Variants in INO80D observed in about 807,000 individuals in gnomAD.
INO80D encodes INO80 complex subunit D.
Under a neutral mutation model 87.6 loss-of-function variants are expected in INO80D, and 21 were observed. That is an observed-to-expected ratio of 0.24 (90% CI 0.17 to 0.35). The LOEUF (loss-of-function observed/expected upper bound fraction) is 0.35, where lower values mean the gene tolerates loss of function less well. Among genes scored for constraint, INO80D ranks in the 10% least tolerant of loss-of-function variants. The pLI is 1.00. For missense variants in INO80D, 982 were observed against 1,280.7 expected (o/e 0.77, Z 3.56); for synonymous variants, 440 against 491.0 (o/e 0.90, Z 1.37).
Position 206,062,191 on chromosome 2 carries a change from G to C in INO80D, c.218+608C>G, listed in dbSNP as rs1689707065. 6.6e-6 allele frequency among the ~76,000 whole-genome samples: 1 copy of C among 152,088 alleles called. No homozygotes were observed. Among genetic ancestry groups the C allele is most frequent in the African/African-American group, 2.4e-5 (1 of 41,420 alleles). ...AATTATGGCAAACATACTCTATTTG[G>C]AACACTTTTTAACCAAAAAAGGTAA... On this transcript the variant is annotated intron_variant, in intron 3 of 10. Transcript: ENST00000403263. The surrounding 1 kb of genome is among the most constrained non-coding windows in gnomAD (Gnocchi z 4.6).
rs2105789630 is a variant in INO80D at position 206,002,874 on chromosome 2, T to G, written c.*1494A>C. On this transcript the variant is annotated 3_prime_UTR_variant, in exon 11 of 11. Coordinates refer to ENST00000403263, the MANE Select transcript of INO80D (RefSeq NM_017759.5). ...AGACTCAGGTATAAATAGCCAATGG[T>G]ATCTCAAGGGACAGTGAAACTACTC... is the stretch of plus-strand genomic sequence containing the variant. 1 of 152,264 alleles carries G rather than the reference T, an allele frequency of 6.6e-6. No individual in the cohort carries two copies. The highest frequency in any genetic ancestry group is 1.9e-4 in the East Asian group (1 of 5,188). The allele number at this position is 152,264 out of a possible 1,614,324, so 9.4% of individuals were successfully genotyped here.
intron 3 of INO80D, among the ~76,000 whole-genome samples, chr2:206,060,850 G>A (rs983989461): frequency 1.3e-5 from 2 of 150,618 alleles, no homozygotes; most frequent in Non-Finnish European, 3.0e-5. Flanking sequence ...GTGAGCCACC[G>A]TGCCCGGCAA....
At position 206,019,774 on chromosome 2, in the gene INO80D, G is replaced by A; in HGVS notation, c.1370C>T (p.Ala457Val). ...CSGTVKGEQC[A>V]NKALPFTRHC... Reference sequence around the variant, plus strand: ...TCTGGTGAATGGAAGGGCTTTGTTAGCGCACTGTTCACCCTTCACGGTTCC... The same window carrying A: ...TCTGGTGAATGGAAGGGCTTTGTTAACGCACTGTTCACCCTTCACGGTTCC... Residue 457 changes from alanine to valine, a missense_variant, in exon 7 of 11, where the codon GCT becomes GTT. Transcript: ENST00000403263. 1.2e-6 allele frequency: 2 copies of A among 1,613,824 alleles called. No homozygotes were observed. The highest frequency in any genetic ancestry group is 1.7e-6 in the Non-Finnish European group (2 of 1,179,820).
At chr2:206,008,374 G>A (rs539267729) in intron 9 of INO80D, among the ~76,000 whole-genome samples, 8 of 148,502 alleles carry the variant, frequency 5.4e-5, no homozygotes, top group East Asian at 2.0e-4. Context: ...TCCACCTCCC[G>A]TGTTCCAGCG....
intron 5 of INO80D, among the ~76,000 whole-genome samples, chr2:206,037,959 A>G (rs895564862): frequency 3.9e-5 from 6 of 152,252 alleles, no homozygotes; most frequent in African/African-American, 9.6e-5. Context: ...GGGGCTTATT[A>G]TAAGTGAAAC....
At chr2:206,033,040 C>CA (rs1239752397) in intron 5 of INO80D, among the ~76,000 whole-genome samples, 1 of 152,166 alleles carries the variant, frequency 6.6e-6, no homozygotes, top group African/African-American at 2.4e-5. Context: ...GATACAGAAC[C>CA]ACAGAATGGA....
rs1279073972 is a variant in INO80D, at chr2:205,997,701, CATAAT to C, written c.*6662_*6666del. 6.6e-6 allele frequency: 1 copy of C among 152,042 alleles called. No homozygotes were observed. The highest frequency in any genetic ancestry group is 1.5e-5 in the Non-Finnish European group (1 of 67,968). 9.4% of individuals were successfully genotyped at this position (152,042 alleles called of 1,614,324 possible). On this transcript the variant is annotated 3_prime_UTR_variant, in exon 11 of 11. Transcript: ENST00000403263. ...TTCTCATGTCATTTTATGAACATAG[CATAAT>C]ATAAGTTAATCCAAAGGTTAACATA... is the stretch of plus-strand genomic sequence containing the variant.
chr2:206,017,915 A>T, intron 7 of INO80D, 102 bp from the exon 8 acceptor site: 1 of 953,072 alleles, frequency 1.0e-6, no homozygotes, highest in Non-Finnish European at 1.5e-6. Flanking sequence ...TACAAGCTTT[A>T]TTATCCATAA....
rs753917910 is a variant in INO80D, at chr2:206,046,542, T to C, written c.1035A>G (p.Ala345=). Residue 345 remains alanine, a synonymous_variant, in exon 5 of 11, where the codon GCA becomes GCG. Coordinates refer to ENST00000403263, the MANE Select transcript of INO80D (RefSeq NM_017759.5). Reference sequence around the variant, plus strand: ...ATCTGAGGGTTTCCCGGATGGACCATGCAACCTGGTAGGGCGAGGCCTGCT... The same window carrying C: ...ATCTGAGGGTTTCCCGGATGGACCACGCAACCTGGTAGGGCGAGGCCTGCT... ...DSEQASPYQV[A]WSIRETLRYQ... 4.3e-6 allele frequency: 7 copies of C among 1,613,440 alleles called. No individual in the cohort carries two copies. In the South Asian group the frequency reaches 5.5e-5, roughly 13 times the overall value.
intron 1 of INO80D, among the ~76,000 whole-genome samples, chr2:206,083,229 T>A (rs1189770848): frequency 6.6e-6 from 1 of 152,204 alleles, no homozygotes; most frequent in Non-Finnish European, 1.5e-5. Flanking sequence ...AGTACAAAAC[T>A]TTTTTGGTAT....
intron 5 of INO80D, chr2:206,040,722 C>T: frequency 3.6e-6 from 1 of 276,264 alleles, no homozygotes; most frequent in South Asian, 3.7e-5. Context: ...AAACTGTCAT[C>T]CACAAGGATG....
Position 206,002,018 on chromosome 2 carries a change from CT to C in INO80D, c.*2349del, listed in dbSNP as rs1371064460. 4 of 152,176 alleles carry C rather than the reference CT, an allele frequency of 2.6e-5. No homozygotes were observed. Among genetic ancestry groups the C allele is most frequent in the Non-Finnish European group, 4.4e-5 (3 of 68,034 alleles). The allele number at this position is 152,176 out of a possible 1,614,324, so 9.4% of individuals were successfully genotyped here. On this transcript the variant is annotated 3_prime_UTR_variant, in exon 11 of 11. Coordinates refer to ENST00000403263, the MANE Select transcript of INO80D (RefSeq NM_017759.5). ...ATCATAACTGAAGAATTTCAAGCAG[CT>C]AACATGAGGGGACAAGTAGACAGAA...
chr2:206,053,619 T>C (rs958610523), intron 4 of INO80D, among the ~76,000 whole-genome samples: 14 of 152,152 alleles, frequency 9.2e-5, no homozygotes, highest in Non-Finnish European at 1.9e-4. Context: ...CCATCCTCCC[T>C]AGGGTAGCTG....
intron 5 of INO80D, among the ~76,000 whole-genome samples, chr2:206,035,386 AAAT>A (rs35952437): frequency 0.26 from 40,166 of 151,910 alleles, 6,093 homozygotes; most frequent in Admixed American, 0.35. Flanking sequence ...ATTGGTATAA[AAAT>A]GGGCACACAG....
chr2:206,005,548 G>C lies in INO80D; in HGVS notation c.1919-15C>G, dbSNP rs1559428388. 6.3e-7 allele frequency: 1 copy of C among 1,592,420 alleles called. No individual in the cohort carries two copies. The highest frequency in any genetic ancestry group is 2.2e-5 in the East Asian group (1 of 44,708). On this transcript the variant is annotated splice_polypyrimidine_tract_variant and intron_variant, in intron 10 of 10. Transcript: ENST00000403263. Reference sequence around the variant, plus strand: ...TCCATTCTTCCCTGAGTCAACAAAAGCCATCGACAATCAGTAGAGCTTTTA... The same window carrying C: ...TCCATTCTTCCCTGAGTCAACAAAACCCATCGACAATCAGTAGAGCTTTTA...
At position 205,995,317 on chromosome 2, in the gene INO80D, G is replaced by T. The variant is rs1185306212; in HGVS notation, c.*9051C>A. ...TTTTAAAATGACAGTCTCCCTTTCA[G>T]TTAAGAAAAACACAACAATAAAAGG... On this transcript the variant is annotated 3_prime_UTR_variant, in exon 11 of 11. Transcript: ENST00000403263. 6.6e-6 allele frequency: 1 copy of T among 152,104 alleles called. No individual in the cohort carries two copies. Among genetic ancestry groups the T allele is most frequent in the Admixed American group, 6.5e-5 (1 of 15,274 alleles). 9.4% of individuals were successfully genotyped at this position (152,104 alleles called of 1,614,324 possible).
chr2:206,084,213 A>G (rs1052019284), intron 1 of INO80D, among the ~76,000 whole-genome samples: 1 of 148,118 alleles, frequency 6.8e-6, no homozygotes, highest in Non-Finnish European at 1.5e-5. Context: ...ATACACATAT[A>G]TTTTTTTTTC....
rs1413524276 is a variant in INO80D, at chr2:206,062,878, G to C, written c.139C>G (p.Pro47Ala). ...IRHVLEDKTAPFKQCEYVAKY... is the reference protein window; with the variant it reads ...IRHVLEDKTAAFKQCEYVAKY... The stretch of plus-strand genomic sequence containing the variant: ...GCCACATATTCACATTGCTTGAAGG[G>C]GGCAGTCTTGTCCTCCAGAACGTGT... The change falls in exon 3 of 11, where the codon CCC becomes GCC. Residue 47 changes from proline to alanine, a missense_variant. Physicochemically the swap from Pro to Ala is conservative, Grantham distance 27. Transcript: ENST00000403263. The surrounding 1 kb of genome is among the most constrained non-coding windows in gnomAD (Gnocchi z 4.6). 6.2e-7 allele frequency: 1 copy of C among 1,613,166 alleles called. No homozygotes were observed. The highest frequency in any genetic ancestry group is 8.5e-7 in the Non-Finnish European group (1 of 1,179,714).
chr2:206,067,369 T>C (rs559271392), intron 1 of INO80D, among the ~76,000 whole-genome samples: 5 of 152,172 alleles, frequency 3.3e-5, no homozygotes, highest in Admixed American at 6.6e-5. Context: ...TATGGCTAGA[T>C]GGGAGGAATA....
Sources: allele counts gnomAD v4.1 joint callset (sites outside exome capture counted in the v4.1 genomes callset), GRCh38; gene constraint gnomAD v4.1.1; non-coding constraint Gnocchi (gnomAD v3.1); transcripts MANE v1.5; gene names NCBI Gene and HGNC (gene_info 2026-07-23, HGNC 2026-07-21).